The following EVC variants were observed in gnomAD, a reference collection of about 807,000 sequenced individuals.
The protein encoded by EVC is evC complex member EVC.
Under a neutral mutation model 118.9 loss-of-function variants are expected in EVC, and 116 were observed. The ratio of observed to expected loss-of-function variants is 0.98; its 90% confidence interval spans 0.84 to 1.14. The LOEUF is 1.14. Among genes scored for constraint, EVC ranks in the 50% most tolerant of loss-of-function variants. The pLI is 0.00. For missense variants in EVC, 1,401 were observed against 1,246.4 expected (o/e 1.12, Z -1.87); for synonymous variants, 619 against 534.7 (o/e 1.16, Z -2.18).
At position 5,797,244 on chromosome 4, in the gene EVC, A is replaced by T. The variant is rs112766640; in HGVS notation, c.2097+12A>T. The T allele has an allele frequency of 6.3e-7, 1 of 1,594,806 alleles. No homozygotes were observed. Among genetic ancestry groups the T allele is most frequent in the African/African-American group, 1.3e-5 (1 of 74,450 alleles). ...TGCTCAGGGCCCTGGTAAGACCAGC[A>T]TGGTGGCCCCACCCATTCCAGACAG... On this transcript the variant is annotated intron_variant, in intron 14 of 20. Coordinates refer to ENST00000264956, the MANE Select transcript of EVC (RefSeq NM_153717.3).
chr4:5,819,546 T>G, the EVC span, among the ~76,000 whole-genome samples: 1 of 152,206 alleles, frequency 6.6e-6, no homozygotes, highest in Non-Finnish European at 1.5e-5. Context: ...TTATGCTGGT[T>G]GGACAGTGGC....
chr4:5,804,627 A>G, intron 16 of EVC, 103 bp from the exon 17 acceptor site: 1 of 879,838 alleles, frequency 1.1e-6, no homozygotes, highest in Non-Finnish European at 1.9e-6. Context: ...ACTCTTGGAG[A>G]GCTGGTGTGT....
downstream of EVC, among the ~76,000 whole-genome samples, chr4:5,816,703 T>C (rs1265047779): frequency 2.6e-5 from 3 of 116,542 alleles, no homozygotes; most frequent in Admixed American, 1.9e-4. Flanking sequence ...TTCTCCCCTC[T>C]CTCCCCTCCC....
At chr4:5,805,129 G>A (rs945335979) in intron 17 of EVC, among the ~76,000 whole-genome samples, 2 of 152,110 alleles carry the variant, frequency 1.3e-5, no homozygotes, top group African/African-American at 4.8e-5. Context: ...TTAGACACGC[G>A]CCTACCCTCT....
intron 17 of EVC, 64 bp downstream of exon 17, chr4:5,804,905 C>T: frequency 7.1e-7 from 1 of 1,409,484 alleles, no homozygotes; most frequent in Non-Finnish European, 1.0e-6. Context: ...GCATATCTCT[C>T]TGTGGTGCCG....
At chr4:5,717,323 G>A (rs970203904) in intron 1 of EVC, among the ~76,000 whole-genome samples, 1 of 151,990 alleles carries the variant, frequency 6.6e-6, no homozygotes. Flanking sequence ...TAATATTTTA[G>A]TTGTTTATTT....
downstream of EVC, among the ~76,000 whole-genome samples, chr4:5,818,789 G>A (rs1718056537): frequency 6.6e-6 from 1 of 152,188 alleles, no homozygotes; most frequent in African/African-American, 2.4e-5. Context: ...CTCAAAGTCT[G>A]TAAGAAATGA....
At chr4:5,787,727 G>A (rs1711961281) in intron 12 of EVC, among the ~76,000 whole-genome samples, 1 of 152,210 alleles carries the variant, frequency 6.6e-6, no homozygotes, top group African/African-American at 2.4e-5. Flanking sequence ...GAATGTGGCA[G>A]TTGGTGCACT....
At chr4:5,720,979 C>G (rs539296620) in intron 2 of EVC, among the ~76,000 whole-genome samples, 1 of 152,150 alleles carries the variant, frequency 6.6e-6, no homozygotes, top group Non-Finnish European at 1.5e-5. Context: ...ACACTGTGTG[C>G]TTGCCTCTCC....
downstream of EVC, among the ~76,000 whole-genome samples, chr4:5,816,061 G>T (rs886410772): frequency 6.6e-6 from 1 of 152,064 alleles, no homozygotes; most frequent in Non-Finnish European, 1.5e-5. Flanking sequence ...CATTACCCAG[G>T]GGCTCATTAA....
intron 8 of EVC, among the ~76,000 whole-genome samples, chr4:5,750,953 G>A (rs1321554738): frequency 6.6e-6 from 1 of 152,110 alleles, no homozygotes; most frequent in Non-Finnish European, 1.5e-5. Flanking sequence ...TCTGGCCTGG[G>A]CATTTGGAGC....
intron 12 of EVC, among the ~76,000 whole-genome samples, chr4:5,787,504 G>T (rs531350516): frequency 1.3e-5 from 2 of 152,294 alleles, no homozygotes; most frequent in East Asian, 3.9e-4. Flanking sequence ...TGTGAGCCCG[G>T]GAATGCAAGT....
intron 2 of EVC, among the ~76,000 whole-genome samples, chr4:5,723,271 C>T (rs1725266167): frequency 6.6e-6 from 1 of 151,268 alleles, no homozygotes; most frequent in Admixed American, 6.6e-5. Flanking sequence ...CTCCCTGCAA[C>T]CTCTGCCTCC....
rs866940441 is a variant in EVC, at chr4:5,729,316, C to T, written c.310C>T (p.Pro104Ser). The T allele has an allele frequency of 1.9e-6, 3 of 1,614,064 alleles. No individual in the cohort carries two copies. The highest frequency in any genetic ancestry group is 1.6e-4 in the Middle Eastern group (1 of 6,062). Reference sequence around the variant, plus strand: ...TGTCTTTCCCTCCCAGGAATGTGAGCCGCCTTCCAACAGCAATATCACAGC... The same window carrying T: ...TGTCTTTCCCTCCCAGGAATGTGAGTCGCCTTCCAACAGCAATATCACAGC... Reference protein sequence around the residue: ...KDKEAVDECEPPSNSNITAFA... With the variant: ...KDKEAVDECESPSNSNITAFA... The change falls in exon 3 of 21, where the codon CCG (proline) becomes TCG (serine). Residue 104 changes from proline to serine, a missense_variant. Transcript: ENST00000264956.
intron 11 of EVC, among the ~76,000 whole-genome samples, chr4:5,771,781 T>C: frequency 6.6e-6 from 1 of 152,190 alleles, no homozygotes; most frequent in Non-Finnish European, 1.5e-5. Context: ...TTATTAGGCT[T>C]AAAGGGTTAT....
chr4:5,744,530 G>A (rs907101208), intron 6 of EVC, among the ~76,000 whole-genome samples: 1 of 152,184 alleles, frequency 6.6e-6, no homozygotes, highest in Non-Finnish European at 1.5e-5. Flanking sequence ...GACAGATATA[G>A]AAATGTAGCT....
intron 11 of EVC, among the ~76,000 whole-genome samples, chr4:5,768,753 A>G (rs1280356414): frequency 2.0e-5 from 3 of 151,470 alleles, no homozygotes; most frequent in African/African-American, 7.3e-5. Context: ...GCTACTCGGG[A>G]GGCTGAGGCA....
chr4:5,796,720 C>A (rs1291613236), intron 13 of EVC, among the ~76,000 whole-genome samples: 1 of 151,928 alleles, frequency 6.6e-6, no homozygotes, highest in Non-Finnish European at 1.5e-5. Flanking sequence ...AAGATTTCAG[C>A]TTTGGATGTG....
In EVC at chr4:5,753,765, G is replaced by T. The variant is rs773461223; in HGVS notation, c.1316-20G>T. On this transcript the variant is annotated intron_variant, in intron 9 of 20. Coordinates refer to ENST00000264956, the MANE Select transcript of EVC (RefSeq NM_153717.3). ...GGCTCACAGAGTCACCTCCTATGCT[G>T]TGGCTTTTTTCAATCCCAGAGTTTG... is the stretch of plus-strand genomic sequence containing the variant. 10 of 1,614,064 alleles carry T rather than the reference G, an allele frequency of 6.2e-6. No homozygotes were observed. The East Asian group carries it at 2.0e-4, about 32-fold the overall frequency.
Sources: gnomAD v4.1 joint callset for allele counts (sites outside exome capture counted in the v4.1 genomes callset) on GRCh38, gnomAD v4.1.1 for gene constraint, MANE v1.5 for transcripts, NCBI Gene and HGNC (gene_info 2026-07-23, HGNC 2026-07-21) for gene names.